MEI4: variants seen among roughly 807,000 people sequenced by gnomAD.
The protein encoded by MEI4 is meiosis-specific protein MEI4.
A neutral mutation model predicts 31.4 loss-of-function variants in MEI4; 27 were observed. The observed-to-expected ratio is 0.86, with a 90% CI of 0.63 to 1.19. The LOEUF (loss-of-function observed/expected upper bound fraction) is 1.19, where lower values mean the gene tolerates loss of function less well. Ranked by LOEUF, MEI4 falls within the 50% of genes most tolerant of loss-of-function variation. The pLI, the probability that MEI4 is intolerant of heterozygous loss-of-function variation, is 0.00. For synonymous variants in MEI4, 122 were observed against 145.4 expected (o/e 0.84, Z 1.16); for missense variants, 329 against 398.9 (o/e 0.82, Z 1.49).
At chr6:77,696,990 C>G (rs1766066067) in intron 2 of MEI4, among the ~76,000 whole-genome samples, 1 of 152,102 alleles carries the variant, frequency 6.6e-6, no homozygotes. Context: ...TTGGTTTAGT[C>G]TTGGGAGAGT....
At chr6:77,880,376 G>A (rs950349375) in intron 4 of MEI4, among the ~76,000 whole-genome samples, 1 of 151,914 alleles carries the variant, frequency 6.6e-6, no homozygotes, top group Non-Finnish European at 1.5e-5. Flanking sequence ...GACTACAGGC[G>A]CCCACCACCA....
intron 3 of MEI4, among the ~76,000 whole-genome samples, chr6:77,763,343 C>T (rs1178178222): frequency 6.6e-6 from 1 of 152,068 alleles, no homozygotes; most frequent in Non-Finnish European, 1.5e-5. Flanking sequence ...ACACCAAGTT[C>T]CCTGGCTCTG....
At chr6:77,716,935 A>T in intron 2 of MEI4, 1 of 841,760 alleles carries the variant, frequency 1.2e-6, no homozygotes, top group Non-Finnish European at 1.4e-6. Context: ...TGTTGAAAGA[A>T]GTAGCATATT....
intron 3 of MEI4, among the ~76,000 whole-genome samples, chr6:77,821,424 ATC>A (rs1231570050): frequency 1.3e-5 from 2 of 152,168 alleles, no homozygotes; most frequent in African/African-American, 4.8e-5. Context: ...AAGTAGCTTC[ATC>A]TCTCAGCATG....
At chr6:77,825,107 G>T (rs1254433692) in intron 3 of MEI4, among the ~76,000 whole-genome samples, 1 of 152,030 alleles carries the variant, frequency 6.6e-6, no homozygotes, top group African/African-American at 2.4e-5. Flanking sequence ...TCTGATATTA[G>T]AAATGTGTAT....
At chr6:77,726,927 C>G (rs1766840972) in intron 2 of MEI4, among the ~76,000 whole-genome samples, 1 of 152,002 alleles carries the variant, frequency 6.6e-6, no homozygotes, top group Non-Finnish European at 1.5e-5. Context: ...AAATAAATAA[C>G]GTTTTATCCA....
At chr6:77,697,374 G>T (rs1273345104) in intron 2 of MEI4, among the ~76,000 whole-genome samples, 4 of 151,974 alleles carry the variant, frequency 2.6e-5, no homozygotes, top group Non-Finnish European at 5.9e-5. Flanking sequence ...GTCAATTTTG[G>T]ATCTTTCCTG....
intron 4 of MEI4, among the ~76,000 whole-genome samples, chr6:77,841,014 T>C (rs777842357): frequency 2.0e-5 from 3 of 152,078 alleles, no homozygotes; most frequent in Non-Finnish European, 2.9e-5. Flanking sequence ...CTAAAAGCAG[T>C]GCTTAAGACC....
At chr6:77,922,223 T>G (rs1224070704) in intron 4 of MEI4, among the ~76,000 whole-genome samples, 1 of 151,674 alleles carries the variant, frequency 6.6e-6, no homozygotes, top group Admixed American at 6.6e-5. Flanking sequence ...TCGTAAATGT[T>G]CCCAAAGGAG....
intron 4 of MEI4, among the ~76,000 whole-genome samples, chr6:77,908,072 C>A (rs1446447543): frequency 2.0e-5 from 3 of 150,800 alleles, no homozygotes; most frequent in Non-Finnish European, 4.4e-5. Flanking sequence ...GAGTAGATTG[C>A]AAAAATTTTC....
At chr6:77,852,118 A>G (rs1172296431) in intron 4 of MEI4, among the ~76,000 whole-genome samples, 1 of 152,208 alleles carries the variant, frequency 6.6e-6, no homozygotes, top group Non-Finnish European at 1.5e-5. Flanking sequence ...TAAGCCTGGT[A>G]GCTTTGCTCT....
chr6:77,810,978 G>A (rs1337598778), intron 3 of MEI4, among the ~76,000 whole-genome samples: 1 of 152,062 alleles, frequency 6.6e-6, no homozygotes, highest in African/African-American at 2.4e-5. Context: ...TGCTTATATT[G>A]AACTTGATTG....
At chr6:77,897,168 C>T (rs575640041) in intron 4 of MEI4, among the ~76,000 whole-genome samples, 39 of 152,024 alleles carry the variant, frequency 2.6e-4, no homozygotes, top group African/African-American at 8.2e-4. Flanking sequence ...AATTAATATA[C>T]GTTAATTTGA....
intron 2 of MEI4, among the ~76,000 whole-genome samples, chr6:77,748,518 G>A (rs1454012652): frequency 2.0e-5 from 3 of 152,164 alleles, no homozygotes; most frequent in African/African-American, 7.2e-5. Context: ...CAGGAGTGTG[G>A]TCCTGGGCCT....
chr6:77,654,980 T>C (rs1199088832), intron 1 of MEI4, among the ~76,000 whole-genome samples: 1 of 152,126 alleles, frequency 6.6e-6, no homozygotes, highest in Non-Finnish European at 1.5e-5. Context: ...GTTACATAGG[T>C]GTACACATGC....
At chr6:77,733,232 A>AT in intron 2 of MEI4, among the ~76,000 whole-genome samples, 1 of 152,086 alleles carries the variant, frequency 6.6e-6, no homozygotes, top group East Asian at 1.9e-4. Context: ...CTCTGGTAGA[A>AT]TTTGGCTGTG....
chr6:77,664,657 C>T (rs531479700), intron 1 of MEI4, among the ~76,000 whole-genome samples: 7 of 151,758 alleles, frequency 4.6e-5, no homozygotes, highest in Middle Eastern at 3.2e-3. Flanking sequence ...GACTCAGCGA[C>T]GCTTGGGGTT....
intron 1 of MEI4, among the ~76,000 whole-genome samples, chr6:77,680,530 AT>A (rs1768938242): frequency 6.6e-6 from 1 of 152,086 alleles, no homozygotes; most frequent in Admixed American, 6.5e-5. Context: ...AACAAGAGCT[AT>A]ATTACCTTTG....
Position 77,765,236 on chromosome 6 carries a change from C to G in MEI4, c.768+3571C>G, listed in dbSNP as rs945218444. Among the ~76,000 whole-genome samples the G allele has an allele frequency of 4.0e-5, 6 of 149,448 alleles. 1 individual carries two copies. The highest frequency in any genetic ancestry group is 1.5e-4 in the African/African-American group (6 of 39,068). ...ATAAATGTTTCTTTTTGTTACTTTT[C>G]TCTTGAGGAAGTGATTATATCTTAT... is the stretch of plus-strand genomic sequence containing the variant. On this transcript the variant is annotated intron_variant, in intron 3 of 4. Coordinates refer to ENST00000684080, the MANE Select transcript of MEI4 (RefSeq NM_001322247.2).
Sources: gnomAD v4.1 joint callset for allele counts (sites outside exome capture counted in the v4.1 genomes callset) on GRCh38, gnomAD v4.1.1 for gene constraint, MANE v1.5 for transcripts, NCBI Gene and HGNC (gene_info 2026-07-23, HGNC 2026-07-21) for gene names.